Variants in SECISBP2L observed in about 807,000 individuals in gnomAD.
SECISBP2L encodes the protein selenocysteine insertion sequence-binding protein 2-like.
Under a neutral mutation model 114.7 loss-of-function variants are expected in SECISBP2L, and 43 were observed. The observed-to-expected ratio is 0.38, with a 90% CI of 0.29 to 0.48. The LOEUF is 0.48. Among genes scored for constraint, SECISBP2L ranks in the 20% least tolerant of loss-of-function variants. The pLI is 0.98. For synonymous variants in SECISBP2L, 451 were observed against 439.7 expected (o/e 1.03, Z -0.32); for missense variants, 1,136 against 1,301.1 (o/e 0.87, Z 1.95).
rs183027256 is a variant in SECISBP2L, at chr15:49,002,354, T to C, written c.2028-1257A>G. The stretch of plus-strand genomic sequence containing the variant: ...CTTTGTAGATTCTGGATATTACCCC[T>C]TGGTCAGATGGATAGATTGCAAAAA... On this transcript the variant is annotated intron_variant, in intron 14 of 17. Transcript: ENST00000559471. Among the ~76,000 whole-genome samples, 603 of 152,330 alleles carry C rather than the reference T, an allele frequency of 4.0e-3. 5 individuals are homozygous for C. The highest frequency in any genetic ancestry group is 0.014 in the African/African-American group (579 of 41,584).
rs1342068358 is a variant in SECISBP2L at position 49,012,883 on chromosome 15, A to G, written c.1562-66T>C. 7.3e-6 allele frequency: 11 copies of G among 1,497,932 alleles called. No homozygotes were observed. In the African/African-American group the frequency reaches 1.1e-4, roughly 15 times the overall value. The allele number at this position is 1,497,932 out of a possible 1,614,324, so 92.8% of individuals were successfully genotyped here. On this transcript the variant is annotated intron_variant, in intron 11 of 17. Transcript: ENST00000559471. ...ATCCCACATACTTTCAAAATTTCCA[A>G]TAACTACAAAAACAAGAACATCCTC...
chr15:49,011,598 T>G (rs1279377905), intron 13 of SECISBP2L, 133 bp downstream of exon 13: 4 of 1,077,580 alleles, frequency 3.7e-6, no homozygotes, highest in South Asian at 3.5e-5. Flanking sequence ...GAAACCACTC[T>G]GAAGAATAAA....
chr15:48,991,731 A>T lies in SECISBP2L; in HGVS notation c.*513T>A, dbSNP rs1356949041. ...GTGACTTCTGACTAAACATTTGTGGACCACATAAAAGTTGCATTGATTTTT... is the reference window on the plus strand; with the variant it reads ...GTGACTTCTGACTAAACATTTGTGGTCCACATAAAAGTTGCATTGATTTTT... On this transcript the variant is annotated 3_prime_UTR_variant, in exon 18 of 18. Transcript: ENST00000559471. 6.6e-6 allele frequency: 1 copy of T among 152,630 alleles called. No homozygotes were observed. Among genetic ancestry groups the T allele is most frequent in the Non-Finnish European group, 1.5e-5 (1 of 68,390 alleles). 9.5% of individuals were successfully genotyped at this position (152,630 alleles called of 1,614,324 possible). A position where few individuals can be genotyped will look rare whatever the true frequency, so the allele number is the denominator to read the frequency against.
chr15:49,002,277 C>G (rs946336992), intron 14 of SECISBP2L, among the ~76,000 whole-genome samples: 1 of 152,048 alleles, frequency 6.6e-6, no homozygotes, highest in African/African-American at 2.4e-5. Context: ...CTGCTCGTAT[C>G]CTTCGCCCAC....
At chr15:49,008,972 T>TAGA (rs1406399185) in intron 14 of SECISBP2L, among the ~76,000 whole-genome samples, 2 of 152,206 alleles carry the variant, frequency 1.3e-5, no homozygotes, top group African/African-American at 4.8e-5. Context: ...ATTTCTAGAA[T>TAGA]AGAAATACTA....
At chr15:49,025,760 G>GGAAACTC (rs1595791871) in intron 7 of SECISBP2L, among the ~76,000 whole-genome samples, 1 of 152,144 alleles carries the variant, frequency 6.6e-6, no homozygotes, top group East Asian at 1.9e-4. Context: ...GCAGAGAAAA[G>GGAAACTC]GAAACTCGTA....
chr15:49,015,159 A>T (rs2141071284), intron 11 of SECISBP2L, among the ~76,000 whole-genome samples: 1 of 152,286 alleles, frequency 6.6e-6, no homozygotes, highest in African/African-American at 2.4e-5. Flanking sequence ...GTAACTTGCC[A>T]ATGAAACACA....
At position 48,990,318 on chromosome 15, in the gene SECISBP2L, C is replaced by A. The variant is rs1901946118; in HGVS notation, c.*1926G>T. On this transcript the variant is annotated 3_prime_UTR_variant, in exon 18 of 18. Coordinates refer to ENST00000559471, the MANE Select transcript of SECISBP2L (RefSeq NM_001193489.2). ...TTTTTAAATTCACTTTTAAGACTGT[C>A]AGTAGTTCAAAACCTCTATCATTTC... 1 of 152,536 alleles carries A rather than the reference C, an allele frequency of 6.6e-6. No individual in the cohort carries two copies. The highest frequency in any genetic ancestry group is 6.5e-5 in the Admixed American group (1 of 15,280). 9.4% of individuals were successfully genotyped at this position (152,536 alleles called of 1,614,324 possible).
At chr15:49,024,489 T>A (rs145867754) in intron 7 of SECISBP2L, among the ~76,000 whole-genome samples, 1 of 134,344 alleles carries the variant, frequency 7.4e-6, no homozygotes, top group Non-Finnish European at 1.5e-5. Flanking sequence ...AGAGCAAGAC[T>A]CTGTCTCAAA....
chr15:49,019,552 C>G lies in SECISBP2L; in HGVS notation c.1036G>C (p.Val346Leu). ...CTGTGTCCTCGGCATCTGAATCCAA[C>G]CTAAGTAAACCCCAGAGGGGAAAAA... ...RQTEQRNNSQ[V>L]GFRCRGHSTS... The change falls in exon 8 of 18, where the codon GTT (valine) becomes CTT (leucine). Residue 346 changes from valine (V) to leucine (L), a missense_variant and splice_region_variant. This residue lies in a region of SECISBP2L where 452 missense variants were observed against 452.3 expected (regional missense o/e 1.00). Transcript: ENST00000559471. 1 of 1,464,202 alleles carries G rather than the reference C, an allele frequency of 6.8e-7. No individual in the cohort carries two copies. Among genetic ancestry groups the G allele is most frequent in the South Asian group, 1.4e-5 (1 of 71,024 alleles). 90.7% of individuals were successfully genotyped at this position (1,464,202 alleles called of 1,614,324 possible). A position where few individuals can be genotyped will look rare whatever the true frequency, so the allele number is the denominator to read the frequency against.
At chr15:48,996,661 TCTA>T in intron 16 of SECISBP2L, 75 bp from the exon 17 acceptor site, 2 of 1,310,416 alleles carry the variant, frequency 1.5e-6, no homozygotes, top group Non-Finnish European at 2.1e-6. Flanking sequence ...AATAAATATC[TCTA>T]CTGTTTGTTT....
chr15:49,018,429 T>C (rs1024059257), intron 8 of SECISBP2L, among the ~76,000 whole-genome samples: 1 of 152,080 alleles, frequency 6.6e-6, no homozygotes, highest in African/African-American at 2.4e-5. Flanking sequence ...GTTAACTTTT[T>C]GTATTTTTAG....
chr15:49,034,669 G>GTTTT (rs58267682), intron 3 of SECISBP2L, among the ~76,000 whole-genome samples: 5 of 132,134 alleles, frequency 3.8e-5, no homozygotes, highest in African/African-American at 8.5e-5. Flanking sequence ...TATATCTTTT[G>GTTTT]TTTTTTTTTT....
rs764550754 is a variant in SECISBP2L, at chr15:48,992,575, T to G, written c.2975A>C (p.Glu992Ala). Residue 992 changes from glutamate to alanine, a missense_variant, in exon 18 of 18, where the codon GAA becomes GCA. Physicochemically the swap from Glu to Ala is moderately radical, Grantham distance 107. Around this residue, in one of 2 missense-constraint regions of SECISBP2L, gnomAD observed 684 missense variants for 848.7 expected, o/e 0.81. Coordinates refer to ENST00000559471, the MANE Select transcript of SECISBP2L (RefSeq NM_001193489.2). The stretch of plus-strand genomic sequence containing the variant: ...TTCCTCCTCCTCCTCATCTTCATCT[T>G]CTTCTTCTTCAAGCATGCCAGGTAC... Reference protein sequence around the residue: ...TLVPGMLEEEEDEDEEEEEDY... With the variant: ...TLVPGMLEEEADEDEEEEEDY... 7 of 1,613,148 alleles carry G rather than the reference T, an allele frequency of 4.3e-6. No individual in the cohort carries two copies. The Admixed American group carries it at 1.2e-4, about 27-fold the overall frequency.
At chr15:49,027,626 G>A (rs1369844301) in intron 6 of SECISBP2L, 146 bp from the exon 7 acceptor site, 38 of 373,944 alleles carry the variant, frequency 1.0e-4, no homozygotes, top group Non-Finnish European at 1.5e-4. Flanking sequence ...TTTTTTTTTT[G>A]AGACAGAGTT....
At chr15:48,995,347 C>A (rs974318813) in intron 17 of SECISBP2L, among the ~76,000 whole-genome samples, 3 of 152,148 alleles carry the variant, frequency 2.0e-5, no homozygotes, top group Non-Finnish European at 4.4e-5. Flanking sequence ...TATCACCCAT[C>A]CCTGGCCAAC....
At chr15:49,033,954 G>A (rs74014913) in intron 3 of SECISBP2L, among the ~76,000 whole-genome samples, 11,076 of 152,074 alleles carry the variant, frequency 0.073, 1,352 homozygotes, top group African/African-American at 0.26. Flanking sequence ...CTTCTTGAAC[G>A]TCTGAAATTG....
intron 4 of SECISBP2L, among the ~76,000 whole-genome samples, chr15:49,029,333 G>A (rs755744921): frequency 1.3e-5 from 2 of 152,052 alleles, no homozygotes; most frequent in African/African-American, 2.4e-5. Flanking sequence ...TGAATTCTGT[G>A]CATATCATTC....
At chr15:49,024,561 G>C (rs1342092417) in intron 7 of SECISBP2L, among the ~76,000 whole-genome samples, 1 of 149,276 alleles carries the variant, frequency 6.7e-6, no homozygotes, top group East Asian at 1.9e-4. Context: ...ACCAGGGAAA[G>C]AATGTTAGGA....
Sources: allele counts gnomAD v4.1 joint callset (sites outside exome capture counted in the v4.1 genomes callset), GRCh38; gene constraint gnomAD v4.1.1; regional missense constraint gnomAD v4.1.1; transcripts MANE v1.5; gene names NCBI Gene and HGNC (gene_info 2026-07-23, HGNC 2026-07-21).